The following COL4A5 variants were observed in gnomAD, a reference collection of about 807,000 sequenced individuals.
COL4A5 encodes collagen type IV alpha 5 chain, also known as collagen alpha-5(IV) chain.
COL4A5 carries 26 observed loss-of-function variants against 130.2 expected under a neutral mutation model. The observed-to-expected ratio is 0.20, with a 90% CI of 0.15 to 0.28. The LOEUF (loss-of-function observed/expected upper bound fraction) is 0.28. Among genes scored for constraint, COL4A5 ranks in the 10% least tolerant of loss-of-function variants. The pLI, the probability that COL4A5 is intolerant of heterozygous loss-of-function variation, is 1.00. For synonymous variants in COL4A5, 496 were observed against 439.6 expected (o/e 1.13, Z -1.60); for missense variants, 1,131 against 1,344.3 (o/e 0.84, Z 2.48).
intron 47 of COL4A5, among the ~76,000 whole-genome samples, chrX:108,685,399 TA>T (rs2068524290): frequency 8.9e-6 from 1 of 112,585 alleles, no homozygotes; most frequent in African/African-American, 3.2e-5. Context: ...GAATTTCTCT[TA>T]GACTATGTCA....
At chrX:108,550,405 A>G (rs1362983589) in intron 2 of COL4A5, among the ~76,000 whole-genome samples, 1 of 112,289 alleles carries the variant, frequency 8.9e-6, no homozygotes, top group Non-Finnish European at 1.9e-5. Flanking sequence ...TCACTATATT[A>G]AAGACCAAAA....
intron 36 of COL4A5, among the ~76,000 whole-genome samples, chrX:108,635,706 C>A (rs1199380964): frequency 8.9e-6 from 1 of 111,985 alleles, no homozygotes; most frequent in Non-Finnish European, 1.9e-5. Flanking sequence ...GACATAGAGA[C>A]TGATGGAATA....
intron 1 of COL4A5, among the ~76,000 whole-genome samples, chrX:108,473,633 A>ATATATATATATTTTTTTT: frequency 1.3e-3 from 45 of 34,554 alleles, no homozygotes; most frequent in Admixed American, 1.7e-3. Context: ...ATATATATAT[A>ATATATATATATTTTTTTT]TTTTTTTTTT....
chrX:108,594,069 CT>C (rs2066476067), intron 21 of COL4A5, among the ~76,000 whole-genome samples: 1 of 111,804 alleles, frequency 8.9e-6, no homozygotes, highest in Non-Finnish European at 1.9e-5. Flanking sequence ...ACATTTTGAA[CT>C]TGACATCCTG....
intron 1 of COL4A5, among the ~76,000 whole-genome samples, chrX:108,450,655 T>A (rs1443384168): frequency 9.0e-6 from 1 of 110,813 alleles, no homozygotes; most frequent in Non-Finnish European, 1.9e-5. Context: ...TTAATGTGTA[T>A]TTTTTATATT....
At chrX:108,563,285 G>T (rs1161390412) in intron 3 of COL4A5, among the ~76,000 whole-genome samples, 1 of 111,605 alleles carries the variant, frequency 9.0e-6, no homozygotes, top group African/African-American at 3.3e-5. Context: ...CAATGCGGTT[G>T]TGACTAGAAA....
At chrX:108,501,601 A>T (rs183203859) in intron 1 of COL4A5, among the ~76,000 whole-genome samples, 2 of 112,069 alleles carry the variant, frequency 1.8e-5, no homozygotes, top group East Asian at 5.6e-4. Flanking sequence ...AAGTATTGTG[A>T]TATTTTCTTT....
rs2067156250 is a variant in COL4A5 at position 108,626,426 on chromosome X, T to C, written c.3246+77T>C. On this transcript the variant is annotated intron_variant, in intron 36 of 52. Transcript: ENST00000328300. ...TTTAATACTATGCTCATTCCTAAGT[T>C]TTCATTAAACAAACTATAGAATGAC... is the stretch of plus-strand genomic sequence containing the variant. The C allele has an allele frequency of 2.5e-6, 3 of 1,185,292 alleles. No individual in the cohort carries two copies. In the South Asian group the frequency reaches 5.4e-5, roughly 21 times the overall value.
intron 2 of COL4A5, among the ~76,000 whole-genome samples, chrX:108,546,929 G>A (rs916921621): frequency 5.4e-5 from 6 of 112,077 alleles, no homozygotes; most frequent in African/African-American, 9.7e-5. Flanking sequence ...CATTCATCAC[G>A]TAGTTCTCGT....
rs2147777425 is a variant in COL4A5, at chrX:108,581,010, G to A, written c.919G>A (p.Gly307Ser). The A allele has an allele frequency of 1.8e-5, 22 of 1,208,645 alleles. No homozygotes were observed. The highest frequency in any genetic ancestry group is 2.4e-5 in the Non-Finnish European group (21 of 893,073). The change falls in exon 16 of 53, where the codon GGC becomes AGC. Residue 307 changes from glycine to serine, a missense_variant. Physicochemically the swap from Gly to Ser is moderately conservative, Grantham distance 56 (BLOSUM62 0). Transcript: ENST00000328300. ...RGKPGKDGENGQPGIPGLPGD... is the reference protein window; with the variant it reads ...RGKPGKDGENSQPGIPGLPGD... Reference sequence around the variant, plus strand: ...TAAACCAGGCAAAGATGGAGAAAATGGCCAACCAGGAATTCCTGTAAGTAG... The same window carrying A: ...TAAACCAGGCAAAGATGGAGAAAATAGCCAACCAGGAATTCCTGTAAGTAG...
At position 108,578,004 on chromosome X, in the gene COL4A5, T is replaced by G; in HGVS notation, c.645+17T>G. The G allele has an allele frequency of 1.7e-6, 2 of 1,202,544 alleles. No homozygotes were observed. Among genetic ancestry groups the G allele is most frequent in the Non-Finnish European group, 1.1e-6 (1 of 887,972 alleles). ...GGACCTAAGGTAATTTTCTTTTTCT[T>G]TATATCTTTTATTTGGTGTGGATTC... is the stretch of plus-strand genomic sequence containing the variant. On this transcript the variant is annotated intron_variant, in intron 11 of 52. Transcript: ENST00000328300.
At chrX:108,679,402 T>C in intron 44 of COL4A5, among the ~76,000 whole-genome samples, 1 of 111,265 alleles carries the variant, frequency 9.0e-6, no homozygotes, top group Non-Finnish European at 1.9e-5. Context: ...CCCTTCTCTC[T>C]GGTTTACCTA....
At chrX:108,670,176 C>T in intron 41 of COL4A5, 52 bp from the exon 42 acceptor site, 2 of 1,182,039 alleles carry the variant, frequency 1.7e-6, no homozygotes, top group South Asian at 1.8e-5. Context: ...TGATATTTTT[C>T]CTTTTTGTTA....
chrX:108,574,783 T>TTTGTTG (rs757140435), intron 9 of COL4A5, among the ~76,000 whole-genome samples: 1 of 110,928 alleles, frequency 9.0e-6, no homozygotes, highest in Non-Finnish European at 1.9e-5. Context: ...TTATGTGGTG[T>TTTGTTG]TTGTTGTTGT....
At chrX:108,440,292 T>G in intron 1 of COL4A5, 86 bp downstream of exon 1, 1 of 643,373 alleles carries the variant, frequency 1.6e-6, no homozygotes. Flanking sequence ...TCCCTTTATC[T>G]TCCTTTTGGC....
Position 108,697,221 on chromosome X carries a change from G to A in COL4A5, c.*843G>A, listed in dbSNP as rs186307993. ...CCTGTTTTAATGTTTCTTACATCTT[G>A]TTTTTACTCATTTCTGACTGGACAA... On this transcript the variant is annotated 3_prime_UTR_variant, in exon 53 of 53. Coordinates refer to ENST00000328300, the MANE Select transcript of COL4A5 (RefSeq NM_033380.3). 1 of 110,670 alleles carries A rather than the reference G, an allele frequency of 9.0e-6. No individual in the cohort carries two copies. The highest frequency in any genetic ancestry group is 2.9e-4 in the East Asian group (1 of 3,494). The allele number at this position is 110,670 out of a possible 1,213,427, so 9.1% of individuals were successfully genotyped here.
In COL4A5 at chrX:108,677,527, G is replaced by A; in HGVS notation, c.3836G>A (p.Gly1279Asp). 1 of 1,209,800 alleles carries A rather than the reference G, an allele frequency of 8.3e-7. No homozygotes were observed. The highest frequency in any genetic ancestry group is 3.0e-5 in the East Asian group (1 of 33,805). The change falls in exon 44 of 53, where the codon GGT (glycine) becomes GAT (aspartate). Residue 1279 changes from glycine (G) to aspartate (D), a missense_variant. Transcript: ENST00000328300. ...QGLPGPEGPP[G>D]LPGNGGIKGE... ...CTACCAGGTCCAGAAGGTCCTCCAG[G>A]TCTCCCTGGAAATGGAGGTATTAAA...
At chrX:108,497,478 T>C (rs2065045181) in intron 1 of COL4A5, among the ~76,000 whole-genome samples, 1 of 111,468 alleles carries the variant, frequency 9.0e-6, no homozygotes, top group South Asian at 3.8e-4. Context: ...TTTTCTATTT[T>C]CACCAGAGAG....
intron 1 of COL4A5, among the ~76,000 whole-genome samples, chrX:108,463,537 G>A (rs367837238): frequency 2.7e-5 from 3 of 111,580 alleles, no homozygotes; most frequent in African/African-American, 6.5e-5. Context: ...ACTGAAGAAA[G>A]GATGTAGATT....
Sources: allele counts gnomAD v4.1 joint callset (sites outside exome capture counted in the v4.1 genomes callset), GRCh38; gene constraint gnomAD v4.1.1; transcripts MANE v1.5; gene names NCBI Gene and HGNC (gene_info 2026-07-23, HGNC 2026-07-21).